AGBL4: variants seen among roughly 807,000 people sequenced by gnomAD.
AGBL4 encodes AGBL carboxypeptidase 4.
In AGBL4, 58 loss-of-function variants were observed where a neutral mutation model predicts 66.4. The ratio of observed to expected loss-of-function variants is 0.87; its 90% confidence interval spans 0.71 to 1.09. The LOEUF (loss-of-function observed/expected upper bound fraction) is 1.09, where lower values mean the gene tolerates loss of function less well. Ranked by LOEUF, AGBL4 falls within the 50% of genes least tolerant of loss-of-function variation. AGBL4 has a pLI of 0.00. For synonymous variants in AGBL4, 234 were observed against 222.9 expected (o/e 1.05, Z -0.44); for missense variants, 579 against 631.0 (o/e 0.92, Z 0.88).
chr1:49,093,165 C>G (rs1645031252), intron 4 of AGBL4, among the ~76,000 whole-genome samples: 1 of 152,066 alleles, frequency 6.6e-6, no homozygotes, highest in African/African-American at 2.4e-5. Flanking sequence ...CCATGTTCCT[C>G]AAAGAGAAAT....
intron 6 of AGBL4, among the ~76,000 whole-genome samples, chr1:48,678,545 G>C (rs1048509348): frequency 3.9e-5 from 6 of 152,114 alleles, no homozygotes; most frequent in African/African-American, 1.4e-4. Context: ...GATCTTAGCT[G>C]TCTCCCTCCA....
intron 6 of AGBL4, among the ~76,000 whole-genome samples, chr1:48,702,674 C>T (rs962421927): frequency 1.3e-5 from 2 of 152,142 alleles, no homozygotes; most frequent in African/African-American, 4.8e-5. Flanking sequence ...GGCTGGCATC[C>T]AGGAACACCT....
chr1:49,553,042 C>T (rs1427471753), intron 3 of AGBL4, among the ~76,000 whole-genome samples: 1 of 152,042 alleles, frequency 6.6e-6, no homozygotes, highest in African/African-American at 2.4e-5. Context: ...CAATATGTAG[C>T]AACCTACGTA....
At chr1:48,569,444 A>C (rs1557793577) in intron 11 of AGBL4, among the ~76,000 whole-genome samples, 1 of 152,326 alleles carries the variant, frequency 6.6e-6, no homozygotes, top group East Asian at 1.9e-4. Context: ...TGAGTTACAC[A>C]GGCTGTTTCT....
At chr1:49,524,846 C>A (rs1357827463) in intron 3 of AGBL4, among the ~76,000 whole-genome samples, 1 of 151,940 alleles carries the variant, frequency 6.6e-6, no homozygotes, top group Non-Finnish European at 1.5e-5. Flanking sequence ...ATGCGTGAAC[C>A]CCTTATGAAT....
At chr1:49,678,902 T>C (rs1045689263) in intron 3 of AGBL4, among the ~76,000 whole-genome samples, 14 of 152,170 alleles carry the variant, frequency 9.2e-5, no homozygotes, top group Non-Finnish European at 4.4e-5. Flanking sequence ...ATATCCTCTA[T>C]ATATGGGATA....
At chr1:50,015,517 C>T (rs1344534018) in intron 1 of AGBL4, among the ~76,000 whole-genome samples, 2 of 152,166 alleles carry the variant, frequency 1.3e-5, no homozygotes, top group East Asian at 1.9e-4. Context: ...ATTAGCTATG[C>T]GTGGTGGCAT....
At chr1:49,656,615 C>T (rs964212165) in intron 3 of AGBL4, among the ~76,000 whole-genome samples, 6 of 152,166 alleles carry the variant, frequency 3.9e-5, no homozygotes, top group African/African-American at 1.4e-4. Context: ...CAATAAAATA[C>T]TGGCAAACCG....
chr1:49,395,115 C>G (rs1298225618), intron 3 of AGBL4, among the ~76,000 whole-genome samples: 1 of 152,108 alleles, frequency 6.6e-6, no homozygotes, highest in African/African-American at 2.4e-5. Flanking sequence ...TGACCTTAAT[C>G]CATCTCCTTT....
chr1:49,411,598 C>T (rs1012673995), intron 3 of AGBL4, among the ~76,000 whole-genome samples: 1 of 152,140 alleles, frequency 6.6e-6, no homozygotes, highest in Non-Finnish European at 1.5e-5. Flanking sequence ...TAGCAAGGCT[C>T]TCAAGTAGTT....
intron 3 of AGBL4, among the ~76,000 whole-genome samples, chr1:49,663,147 T>G (rs984676471): frequency 2.0e-5 from 3 of 152,124 alleles, no homozygotes; most frequent in Non-Finnish European, 4.4e-5. Flanking sequence ...TACTAAAGCA[T>G]GAAGACAAAT....
intron 2 of AGBL4, among the ~76,000 whole-genome samples, chr1:49,767,411 T>C (rs986134196): frequency 1.3e-5 from 2 of 151,674 alleles, no homozygotes; most frequent in African/African-American, 2.4e-5. Context: ...GTGAAATAGA[T>C]GAAAAGAGAG....
chr1:48,626,426 T>C (rs775668525), intron 9 of AGBL4, among the ~76,000 whole-genome samples: 3 of 152,250 alleles, frequency 2.0e-5, no homozygotes, highest in Non-Finnish European at 4.4e-5. Context: ...AGTATCTGCT[T>C]TGTACTAAGC....
rs553211089 is a variant in AGBL4 at position 49,544,257 on chromosome 1, G to A, written c.282+153056C>T. On this transcript the variant is annotated intron_variant, in intron 3 of 13. Coordinates refer to ENST00000371839, the MANE Select transcript of AGBL4 (RefSeq NM_032785.4). ...CACCTGCTAGCAACTGAACCCACCT[G>A]TTGTATGGGTAACAATGTATCTGCC... 3.9e-5 allele frequency among the ~76,000 whole-genome samples: 6 copies of A among 152,284 alleles called. No individual in the cohort carries two copies. The South Asian group carries it at 1.2e-3, about 32-fold the overall frequency.
chr1:49,590,986 AAATT>A (rs1644740846), intron 3 of AGBL4, among the ~76,000 whole-genome samples: 2 of 152,238 alleles, frequency 1.3e-5, no homozygotes, highest in African/African-American at 4.8e-5. Flanking sequence ...AGGATTACAA[AAATT>A]AATAGGACTG....
chr1:49,288,103 C>T (rs1317947701), intron 3 of AGBL4, among the ~76,000 whole-genome samples: 2 of 141,872 alleles, frequency 1.4e-5, no homozygotes, highest in African/African-American at 2.6e-5. Flanking sequence ...TCTCAGTAAA[C>T]TATCGCAAGA....
In AGBL4 at chr1:49,760,850, A is replaced by G. The variant is rs181468747; in HGVS notation, c.158-63413T>C. 2.6e-5 allele frequency among the ~76,000 whole-genome samples: 4 copies of G among 152,344 alleles called. No homozygotes were observed. In the East Asian group the frequency reaches 7.7e-4, roughly 29 times the overall value. ...CAAATACTATGCAACCATAAAAAGGATGAGATCATGTCCTTTGCAGAGACA... is the reference window on the plus strand; with the variant it reads ...CAAATACTATGCAACCATAAAAAGGGTGAGATCATGTCCTTTGCAGAGACA... On this transcript the variant is annotated intron_variant, in intron 2 of 13. Transcript: ENST00000371839.
At chr1:49,079,690 G>C (rs954496861) in intron 4 of AGBL4, among the ~76,000 whole-genome samples, 3 of 152,182 alleles carry the variant, frequency 2.0e-5, no homozygotes, top group Admixed American at 1.3e-4. Context: ...AACACTTGTA[G>C]TGTAGGCACT....
rs187044923 is a variant in AGBL4, at chr1:48,884,000, C to T, written c.595-16770G>A. On this transcript the variant is annotated intron_variant, in intron 5 of 13. Transcript: ENST00000371839. ...GCTTTTGTTTTCCCAGCTACAGTCCCTCAGAGGGCCTTCCTGCTCCTAGCC... is the reference window on the plus strand; with the variant it reads ...GCTTTTGTTTTCCCAGCTACAGTCCTTCAGAGGGCCTTCCTGCTCCTAGCC... 1.6e-4 allele frequency among the ~76,000 whole-genome samples: 24 copies of T among 152,280 alleles called. No homozygotes were observed. In the East Asian group the frequency reaches 3.9e-3, roughly 24 times the overall value.
Sources: gnomAD v4.1 joint callset for allele counts (sites outside exome capture counted in the v4.1 genomes callset) on GRCh38, gnomAD v4.1.1 for gene constraint, MANE v1.5 for transcripts, NCBI Gene and HGNC (gene_info 2026-07-23, HGNC 2026-07-21) for gene names.